Variants in KIAA0825 observed in about 807,000 individuals in gnomAD.
KIAA0825 encodes the protein uncharacterized protein KIAA0825.
A neutral mutation model predicts 147.6 loss-of-function variants in KIAA0825; 119 were observed. That is an observed-to-expected ratio of 0.81 (90% CI 0.69 to 0.94). KIAA0825 has a LOEUF of 0.94. Among genes scored for constraint, KIAA0825 ranks in the 40% least tolerant of loss-of-function variants. The pLI is 0.00. For missense variants in KIAA0825, 1,381 were observed against 1,472.7 expected (o/e 0.94, Z 1.02); for synonymous variants, 470 against 518.1 (o/e 0.91, Z 1.26).
intron 14 of KIAA0825, among the ~76,000 whole-genome samples, chr5:94,435,529 G>A (rs967840004): frequency 6.6e-6 from 1 of 151,986 alleles, no homozygotes; most frequent in Non-Finnish European, 1.5e-5. Flanking sequence ...TCATTGATGG[G>A]CATTTAGCTT....
At chr5:94,432,485 G>C (rs2150796012) in intron 14 of KIAA0825, among the ~76,000 whole-genome samples, 1 of 152,164 alleles carries the variant, frequency 6.6e-6, no homozygotes, top group South Asian at 2.1e-4. Flanking sequence ...ATTTTATGGA[G>C]CCCACTGATA....
At chr5:94,192,384 A>G (rs929508887) in intron 20 of KIAA0825, among the ~76,000 whole-genome samples, 25 of 152,386 alleles carry the variant, frequency 1.6e-4, no homozygotes, top group Non-Finnish European at 7.3e-5. Context: ...TTATTATGGT[A>G]CATAAAAAGT....
chr5:94,247,600 C>T (rs1190226854), intron 20 of KIAA0825, among the ~76,000 whole-genome samples: 1 of 152,110 alleles, frequency 6.6e-6, no homozygotes, highest in Non-Finnish European at 1.5e-5. Flanking sequence ...TCTGCACTTC[C>T]CTTTATCCAG....
chr5:94,494,604 G>T (rs147542922), intron 5 of KIAA0825, among the ~76,000 whole-genome samples: 51 of 152,108 alleles, frequency 3.4e-4, no homozygotes, highest in African/African-American at 1.2e-3. Flanking sequence ...GATAAAATGG[G>T]TTTTAAATTT....
At chr5:94,588,088 C>T (rs1388828394) in intron 1 of KIAA0825, among the ~76,000 whole-genome samples, 1 of 152,152 alleles carries the variant, frequency 6.6e-6, no homozygotes, top group Non-Finnish European at 1.5e-5. Context: ...ACCATAAAAA[C>T]TGTAGAAGAA....
At chr5:94,554,696 G>C (rs1434736656) in intron 2 of KIAA0825, among the ~76,000 whole-genome samples, 1 of 135,050 alleles carries the variant, frequency 7.4e-6, no homozygotes, top group Non-Finnish European at 1.5e-5. Context: ...ACTTATATGA[G>C]CCAGGCATTG....
chr5:94,421,704 A>G (rs956212739), intron 14 of KIAA0825, among the ~76,000 whole-genome samples: 3 of 152,186 alleles, frequency 2.0e-5, no homozygotes, highest in Non-Finnish European at 4.4e-5. Flanking sequence ...CCTAGAATAT[A>G]TATCAATCTA....
At chr5:94,154,412 A>G (rs1406807447) in intron 20 of KIAA0825, among the ~76,000 whole-genome samples, 1 of 152,246 alleles carries the variant, frequency 6.6e-6, no homozygotes, top group Non-Finnish European at 1.5e-5. Context: ...TATGTGGCCT[A>G]TGAAAATACA....
intron 13 of KIAA0825, among the ~76,000 whole-genome samples, chr5:94,440,832 A>G (rs1274628903): frequency 6.6e-6 from 1 of 152,148 alleles, no homozygotes; most frequent in African/African-American, 2.4e-5. Flanking sequence ...GGAACTGATA[A>G]CATTATTTAC....
chr5:94,339,000 C>T (rs941084382), intron 20 of KIAA0825, among the ~76,000 whole-genome samples: 2 of 152,010 alleles, frequency 1.3e-5, no homozygotes, highest in Non-Finnish European at 2.9e-5. Flanking sequence ...ATAAAGACAT[C>T]AAACCTTATA....
At chr5:94,367,482 G>A (rs549939536) in intron 20 of KIAA0825, among the ~76,000 whole-genome samples, 1 of 152,114 alleles carries the variant, frequency 6.6e-6, no homozygotes, top group African/African-American at 2.4e-5. Context: ...TGGGCAACAA[G>A]AGCGACACTC....
intron 1 of KIAA0825, among the ~76,000 whole-genome samples, chr5:94,592,366 A>G (rs974108513): frequency 6.6e-6 from 1 of 152,142 alleles, no homozygotes; most frequent in Admixed American, 6.6e-5. Flanking sequence ...GGGCAGTCAA[A>G]TCTTAAAGCT....
chr5:94,272,908 C>G (rs1346247553), intron 20 of KIAA0825, among the ~76,000 whole-genome samples: 1 of 152,178 alleles, frequency 6.6e-6, no homozygotes, highest in African/African-American at 2.4e-5. Context: ...CTCCTTCTGT[C>G]TTGTTTACTT....
chr5:94,264,105 A>G (rs1447891680), intron 20 of KIAA0825, among the ~76,000 whole-genome samples: 1 of 152,092 alleles, frequency 6.6e-6, no homozygotes, highest in Non-Finnish European at 1.5e-5. Context: ...TATCTGGCCA[A>G]TTTCTATTAT....
chr5:94,261,809 A>T (rs908890200), intron 20 of KIAA0825, among the ~76,000 whole-genome samples: 4 of 151,928 alleles, frequency 2.6e-5, no homozygotes, highest in Non-Finnish European at 5.9e-5. Context: ...ATTTCCATCT[A>T]TTCCCACTGC....
intron 14 of KIAA0825, 47 bp downstream of exon 14, chr5:94,439,935 C>T: frequency 2.0e-6 from 3 of 1,518,180 alleles, no homozygotes; most frequent in Non-Finnish European, 2.7e-6. Context: ...TCAACTCGAG[C>T]AATGACTAGG....
chr5:94,462,571 T>C lies in KIAA0825; in HGVS notation c.2064-2A>G. 1 of 1,479,162 alleles carries C rather than the reference T, an allele frequency of 6.8e-7. No individual in the cohort carries two copies. Among genetic ancestry groups the C allele is most frequent in the Non-Finnish European group, 9.0e-7 (1 of 1,114,556 alleles). 91.6% of individuals were successfully genotyped at this position (1,479,162 alleles called of 1,614,324 possible). ...ATCAAAATTGTTGTGACATCAAGTC[T>C]GTTGGAAAGAAAGAAAAGAAAATCA... On this transcript the variant is annotated splice_acceptor_variant, in intron 11 of 20. Transcript: ENST00000682413. LOFTEE classifies it high-confidence loss of function.
At chr5:94,204,402 A>C (rs1771967892) in intron 20 of KIAA0825, among the ~76,000 whole-genome samples, 1 of 152,180 alleles carries the variant, frequency 6.6e-6, no homozygotes, top group African/African-American at 2.4e-5. Context: ...GCCATGGATT[A>C]TGTGTGAATG....
chr5:94,421,052 C>G (rs1754119588), intron 14 of KIAA0825, among the ~76,000 whole-genome samples: 1 of 152,090 alleles, frequency 6.6e-6, no homozygotes, highest in Admixed American at 6.6e-5. Flanking sequence ...TTCAGAGTTC[C>G]TTTTTGGCAT....
Sources: allele counts gnomAD v4.1 joint callset (sites outside exome capture counted in the v4.1 genomes callset), GRCh38; gene constraint gnomAD v4.1.1; transcripts MANE v1.5; gene names NCBI Gene and HGNC (gene_info 2026-07-23, HGNC 2026-07-21).